Variants in SLC24A2 observed in about 807,000 individuals in gnomAD.
SLC24A2 encodes solute carrier family 24 member 2, also known as sodium/potassium/calcium exchanger 2.
A neutral mutation model predicts 62.0 loss-of-function variants in SLC24A2; 36 were observed. The observed-to-expected ratio is 0.58, with a 90% CI of 0.44 to 0.77. SLC24A2 has a LOEUF of 0.77. SLC24A2 is among the 30% of genes least tolerant of loss of function. SLC24A2 has a pLI of 0.00. For synonymous variants in SLC24A2, 358 were observed against 294.0 expected (o/e 1.22, Z -2.23); for missense variants, 846 against 817.9 (o/e 1.03, Z -0.42).
At chr9:19,614,781 A>C (rs1817721978) in intron 4 of SLC24A2, among the ~76,000 whole-genome samples, 1 of 152,042 alleles carries the variant, frequency 6.6e-6, no homozygotes, top group African/African-American at 2.4e-5. Flanking sequence ...AGGGGGAATC[A>C]GGGGACCCAG....
At chr9:19,918,140 ATG>A in the SLC24A2 span, among the ~76,000 whole-genome samples, 7,526 of 147,948 alleles carry the variant, frequency 0.051, 268 homozygotes, top group African/African-American at 0.09. Flanking sequence ...AACTGACATT[ATG>A]TGTGTGTGTG....
At chr9:19,848,488 CAT>C in the SLC24A2 span, among the ~76,000 whole-genome samples, 1 of 152,088 alleles carries the variant, frequency 6.6e-6, no homozygotes, top group African/African-American at 2.4e-5. Context: ...GTGTACGTAA[CAT>C]ATTGCATATA....
chr9:20,185,528 G>T, the SLC24A2 span, among the ~76,000 whole-genome samples: 12 of 151,886 alleles, frequency 7.9e-5, no homozygotes, highest in Non-Finnish European at 1.8e-4. Flanking sequence ...AGCTGGGCGT[G>T]GTTGTGGGCG....
At chr9:20,188,674 G>T in the SLC24A2 span, among the ~76,000 whole-genome samples, 1 of 152,034 alleles carries the variant, frequency 6.6e-6, no homozygotes, top group African/African-American at 2.4e-5. Context: ...GGTAAGTTGG[G>T]GAAATGACAA....
the SLC24A2 span, among the ~76,000 whole-genome samples, chr9:19,983,981 A>G: frequency 6.6e-6 from 1 of 152,240 alleles, no homozygotes; most frequent in Non-Finnish European, 1.5e-5. Context: ...TGAAAGTTAT[A>G]CGCATTCAGT....
the SLC24A2 span, among the ~76,000 whole-genome samples, chr9:20,234,816 G>T: frequency 2.0e-5 from 3 of 152,304 alleles, no homozygotes; most frequent in East Asian, 3.9e-4. Flanking sequence ...TTTTTAGAGT[G>T]TCCAGTTTTT....
At chr9:20,179,906 G>T in the SLC24A2 span, among the ~76,000 whole-genome samples, 9 of 152,072 alleles carry the variant, frequency 5.9e-5, no homozygotes, top group Non-Finnish European at 8.8e-5. Context: ...GCACACTTAT[G>T]ACCAAAAATT....
chr9:19,985,881 T>A, the SLC24A2 span, among the ~76,000 whole-genome samples: 19 of 152,278 alleles, frequency 1.2e-4, no homozygotes, highest in East Asian at 3.7e-3. Context: ...ATTGTTGAAT[T>A]TAACACCAAA....
the SLC24A2 span, among the ~76,000 whole-genome samples, chr9:20,038,379 T>C: frequency 6.6e-6 from 1 of 152,208 alleles, no homozygotes; most frequent in African/African-American, 2.4e-5. Context: ...GACTGGGGTC[T>C]TTGGCCCAAT....
At chr9:20,076,405 T>C in the SLC24A2 span, among the ~76,000 whole-genome samples, 4 of 152,220 alleles carry the variant, frequency 2.6e-5, no homozygotes, top group African/African-American at 9.6e-5. Flanking sequence ...GAAGTTCTGA[T>C]TACAGAAGAC....
the SLC24A2 span, among the ~76,000 whole-genome samples, chr9:20,164,086 T>A: frequency 6.6e-6 from 1 of 151,988 alleles, no homozygotes; most frequent in Non-Finnish European, 1.5e-5. Context: ...GGACTTCATG[T>A]CTAAAATACC....
chr9:20,224,402 A>G, the SLC24A2 span, among the ~76,000 whole-genome samples: 1 of 152,064 alleles, frequency 6.6e-6, no homozygotes, highest in Admixed American at 6.6e-5. Context: ...AACACATCCA[A>G]TCATAACCAT....
the SLC24A2 span, among the ~76,000 whole-genome samples, chr9:20,088,405 C>T: frequency 3.3e-5 from 5 of 152,164 alleles, no homozygotes; most frequent in East Asian, 7.7e-4. Flanking sequence ...AGCAGTCCTC[C>T]GACACAGTGC....
intron 7 of SLC24A2, among the ~76,000 whole-genome samples, chr9:19,566,134 G>A (rs1182361141): frequency 6.6e-6 from 1 of 152,056 alleles, no homozygotes; most frequent in African/African-American, 2.4e-5. Context: ...TTAAACTAAG[G>A]AGCTTCTGCA....
At chr9:19,960,910 T>C in the SLC24A2 span, among the ~76,000 whole-genome samples, 2 of 152,184 alleles carry the variant, frequency 1.3e-5, no homozygotes, top group Non-Finnish European at 2.9e-5. Flanking sequence ...CTATATCATC[T>C]ATTCAGCAAA....
At chr9:20,242,932 G>A in the SLC24A2 span, among the ~76,000 whole-genome samples, 11 of 152,140 alleles carry the variant, frequency 7.2e-5, no homozygotes, top group African/African-American at 1.4e-4. Context: ...GGGGATGGGT[G>A]GTGGTTAAAT....
chr9:19,627,151 G>C (rs1397080040), intron 2 of SLC24A2, among the ~76,000 whole-genome samples: 1 of 152,194 alleles, frequency 6.6e-6, no homozygotes, highest in Non-Finnish European at 1.5e-5. Flanking sequence ...GAAGATGACA[G>C]CCCAGGGTGC....
the SLC24A2 span, among the ~76,000 whole-genome samples, chr9:20,029,468 A>G: frequency 4.3e-4 from 66 of 152,336 alleles, 3 homozygotes; most frequent in South Asian, 0.013. Context: ...GAAACACCAC[A>G]GTTCCAACCT....
chr9:19,582,198 C>T (rs573935782), intron 5 of SLC24A2, among the ~76,000 whole-genome samples: 1 of 152,300 alleles, frequency 6.6e-6, no homozygotes, highest in South Asian at 2.1e-4. Flanking sequence ...AATCAAAATC[C>T]TTGACCAGAT....
Sources: gnomAD v4.1 joint callset for allele counts (sites outside exome capture counted in the v4.1 genomes callset) on GRCh38, gnomAD v4.1.1 for gene constraint, MANE v1.5 for transcripts, NCBI Gene and HGNC (gene_info 2026-07-23, HGNC 2026-07-21) for gene names.